The following ZNF736 variants were observed in gnomAD, a reference collection of about 807,000 sequenced individuals.
ZNF736 encodes KRAB-containing zinc-finger repressor protein.
In ZNF736, 6 loss-of-function variants were observed where a neutral mutation model predicts 11.7. That is an observed-to-expected ratio of 0.51 (90% CI 0.28 to 1.01). The LOEUF is 1.01. Among genes scored for constraint, ZNF736 ranks in the 50% least tolerant of loss-of-function variants. ZNF736 has a pLI of 0.09. For missense variants in ZNF736, 444 were observed against 496.0 expected, an observed-to-expected ratio of 0.90 and a Z score of 1.00; for synonymous variants, 139 against 164.7, an observed-to-expected ratio of 0.84 and a Z score of 1.19.
intron 1 of ZNF736, among the ~76,000 whole-genome samples, chr7:64,322,351 T>C (rs1789014656): frequency 6.6e-6 from 1 of 152,182 alleles, no homozygotes; most frequent in East Asian, 1.9e-4. Context: ...GCTGCCACTA[T>C]GCTAAATCTT....
At chr7:64,339,013 C>T (rs1789298759) in intron 3 of ZNF736, among the ~76,000 whole-genome samples, 1 of 151,838 alleles carries the variant, frequency 6.6e-6, no homozygotes, top group Non-Finnish European at 1.5e-5. Context: ...TTGATATTAG[C>T]AGTCCTAACA....
At position 64,354,777 on chromosome 7, in the gene ZNF736, A is replaced by C. The variant is rs547289694; in HGVS notation, c.*5630A>C. 6.6e-6 allele frequency: 1 copy of C among 152,332 alleles called. No homozygotes were observed. The highest frequency in any genetic ancestry group is 1.9e-4 in the East Asian group (1 of 5,192). The allele number at this position is 152,332 out of a possible 1,614,324, so 9.4% of individuals were successfully genotyped here. ...TCAATTAGAGAATGCTATTGAATCC[A>C]GTTTTTGTTTAGTTACTGTTCATTT... On this transcript the variant is annotated 3_prime_UTR_variant, in exon 4 of 4. Transcript: ENST00000423484.
At chr7:64,322,109 T>C (rs554010104) in intron 1 of ZNF736, among the ~76,000 whole-genome samples, 73 of 149,194 alleles carry the variant, frequency 4.9e-4, no homozygotes, top group African/African-American at 1.7e-3. Context: ...CATTTTATGG[T>C]TTTTTTTTTC....
At position 64,356,049 on chromosome 7, in the gene ZNF736, A is replaced by T. The variant is rs1207723822; in HGVS notation, c.*6902A>T. 1 of 173,094 alleles carries T rather than the reference A, an allele frequency of 5.8e-6. No individual in the cohort carries two copies. Among genetic ancestry groups the T allele is most frequent in the Non-Finnish European group, 1.3e-5 (1 of 77,082 alleles). 10.7% of individuals were successfully genotyped at this position (173,094 alleles called of 1,614,324 possible). ...TCCAGTAAGATTGGTATTCTTTTGG[A>T]CTATGAATTGGGTGATTTTTTAAAG... is the stretch of plus-strand genomic sequence containing the variant. On this transcript the variant is annotated 3_prime_UTR_variant, in exon 4 of 4. Transcript: ENST00000423484.
At chr7:64,320,354 G>A (rs1391899999) in intron 1 of ZNF736, among the ~76,000 whole-genome samples, 1 of 152,132 alleles carries the variant, frequency 6.6e-6, no homozygotes, top group African/African-American at 2.4e-5. Context: ...AGCTGTCTAT[G>A]GGAGTAGACA....
At chr7:64,328,892 C>A (rs992327092) in intron 1 of ZNF736, among the ~76,000 whole-genome samples, 99 of 151,776 alleles carry the variant, frequency 6.5e-4, no homozygotes, top group African/African-American at 2.2e-3. Context: ...AAACTTTCTA[C>A]CCAGAACTTT....
intron 1 of ZNF736, among the ~76,000 whole-genome samples, chr7:64,324,076 C>G (rs1247837662): frequency 6.6e-6 from 1 of 152,178 alleles, no homozygotes; most frequent in Non-Finnish European, 1.5e-5. Context: ...AGGCTTCCAT[C>G]TATTCCTACC....
intron 2 of ZNF736, among the ~76,000 whole-genome samples, chr7:64,336,620 A>G (rs1789255187): frequency 6.6e-6 from 1 of 152,190 alleles, no homozygotes; most frequent in Admixed American, 6.5e-5. Context: ...GTAATATCAG[A>G]AATTTAGTAG....
Position 64,348,810 on chromosome 7 carries a change from A to T in ZNF736, c.947A>T (p.Asn316Ile). 1 of 1,587,592 alleles carries T rather than the reference A, an allele frequency of 6.3e-7. No homozygotes were observed. Residue 316 changes from asparagine to isoleucine, a missense_variant, in exon 4 of 4, where the codon AAT becomes ATT. Asn to Ile is a moderately radical substitution (Grantham distance 149). Coordinates refer to ENST00000423484, the MANE Select transcript of ZNF736 (RefSeq NM_001170905.3). ...IHTGDKPYTC[N>I]ECGKAFKWFS... ...ACTGGAGACAAACCCTACACATGTAATGAATGTGGAAAAGCTTTTAAGTGG... is the reference window on the plus strand; with the variant it reads ...ACTGGAGACAAACCCTACACATGTATTGAATGTGGAAAAGCTTTTAAGTGG...
At chr7:64,338,559 C>G (rs893809740) in intron 3 of ZNF736, among the ~76,000 whole-genome samples, 7 of 152,146 alleles carry the variant, frequency 4.6e-5, no homozygotes, top group Non-Finnish European at 8.8e-5. Flanking sequence ...AGGAGTCCAA[C>G]CTTATTATAT....
At chr7:64,323,566 A>G (rs11760962) in intron 1 of ZNF736, among the ~76,000 whole-genome samples, 6 of 152,198 alleles carry the variant, frequency 3.9e-5, no homozygotes, top group Non-Finnish European at 7.3e-5. Context: ...CATAAGAAGG[A>G]AAAAGATCAT....
chr7:64,337,151 T>C, intron 3 of ZNF736, 169 bp downstream of exon 3: 1 of 640,036 alleles, frequency 1.6e-6, no homozygotes, highest in Non-Finnish European at 2.7e-6. Context: ...TGTCCCATTC[T>C]TGTGAATTTT....
chr7:64,320,695 T>C (rs1299163758), intron 1 of ZNF736, among the ~76,000 whole-genome samples: 2 of 152,178 alleles, frequency 1.3e-5, no homozygotes, highest in African/African-American at 2.4e-5. Context: ...TTTTGAACAT[T>C]TAAAAGGTTT....
intron 1 of ZNF736, among the ~76,000 whole-genome samples, chr7:64,334,952 A>C (rs573765536): frequency 6.6e-6 from 1 of 152,376 alleles, no homozygotes; most frequent in Non-Finnish European, 1.5e-5. Context: ...AATACTATGC[A>C]GCCATAAAAA....
At chr7:64,328,401 T>C (rs1354677333) in intron 1 of ZNF736, among the ~76,000 whole-genome samples, 2 of 152,108 alleles carry the variant, frequency 1.3e-5, no homozygotes, top group African/African-American at 2.4e-5. Context: ...TTGAATGTTA[T>C]TTGTTTCTTT....
chr7:64,319,764 G>A (rs1788978474), intron 1 of ZNF736, among the ~76,000 whole-genome samples: 1 of 151,714 alleles, frequency 6.6e-6, no homozygotes, highest in Non-Finnish European at 1.5e-5. Flanking sequence ...CAAGTGCTGG[G>A]ATTGCAGGTG....
chr7:64,332,170 T>C (rs958026309), intron 1 of ZNF736, among the ~76,000 whole-genome samples: 1 of 152,214 alleles, frequency 6.6e-6, no homozygotes, highest in Non-Finnish European at 1.5e-5. Flanking sequence ...CTTTTTCTTC[T>C]GAAATATCAT....
intron 3 of ZNF736, among the ~76,000 whole-genome samples, chr7:64,344,643 G>A (rs1241635093): frequency 6.6e-6 from 1 of 152,100 alleles, no homozygotes; most frequent in Non-Finnish European, 1.5e-5. Flanking sequence ...TTAAAAAGCT[G>A]ATTAATATTC....
chr7:64,344,317 A>G (rs1464631360), intron 3 of ZNF736, among the ~76,000 whole-genome samples: 2 of 152,216 alleles, frequency 1.3e-5, no homozygotes, highest in Admixed American at 1.3e-4. Context: ...ATAAAAATTA[A>G]AAAATGTATA....
Sources: allele counts gnomAD v4.1 joint callset (sites outside exome capture counted in the v4.1 genomes callset), GRCh38; gene constraint gnomAD v4.1.1; transcripts MANE v1.5; gene names NCBI Gene and HGNC (gene_info 2026-07-23, HGNC 2026-07-21).